NRG4: variants seen among roughly 807,000 people sequenced by gnomAD.
NRG4 encodes pro-neuregulin-4, membrane-bound isoform.
A neutral mutation model predicts 15.0 loss-of-function variants in NRG4; 10 were observed. The observed-to-expected ratio is 0.67, with a 90% CI of 0.41 to 1.13. The LOEUF (loss-of-function observed/expected upper bound fraction) is 1.13, where lower values mean the gene tolerates loss of function less well. Ranked by LOEUF, NRG4 falls within the 50% of genes most tolerant of loss-of-function variation. NRG4 has a pLI of 0.00. For missense variants in NRG4, 139 were observed against 140.2 expected, an observed-to-expected ratio of 0.99 and a Z score of 0.04; for synonymous variants, 41 against 50.1, an observed-to-expected ratio of 0.82 and a Z score of 0.77.
intron 4 of NRG4, among the ~76,000 whole-genome samples, chr15:75,958,172 C>A (rs1026395808): frequency 6.6e-6 from 1 of 151,994 alleles, no homozygotes; most frequent in Non-Finnish European, 1.5e-5. Flanking sequence ...GCCACCATGC[C>A]CGGCTAATTT....
chr15:75,943,550 A>G lies in NRG4; in HGVS notation c.*88T>C. ...AAGCGTTTTATTTAAGAAATAAAGG[A>G]TTAGATTTTTAATTCTTTTACCTAG... On this transcript the variant is annotated 3_prime_UTR_variant, in exon 6 of 6. Transcript: ENST00000394907. The G allele has an allele frequency of 1.2e-6, 1 of 809,832 alleles. No individual in the cohort carries two copies. Among genetic ancestry groups the G allele is most frequent in the Admixed American group, 2.1e-5 (1 of 47,042 alleles). 50.2% of individuals were successfully genotyped at this position (809,832 alleles called of 1,614,324 possible).
At chr15:75,947,913 T>TA (rs1439351606) in intron 5 of NRG4, among the ~76,000 whole-genome samples, 1 of 152,220 alleles carries the variant, frequency 6.6e-6, no homozygotes, top group Non-Finnish European at 1.5e-5. Context: ...TTTGTGATGT[T>TA]GAGTATCTTT....
chr15:75,955,303 C>T (rs1192025157), intron 5 of NRG4, among the ~76,000 whole-genome samples: 1 of 152,144 alleles, frequency 6.6e-6, no homozygotes, highest in African/African-American at 2.4e-5. Flanking sequence ...GGGTCCCCCA[C>T]CTTGCACAAA....
intron 5 of NRG4, among the ~76,000 whole-genome samples, chr15:76,033,724 T>C (rs2035531618): frequency 6.6e-6 from 1 of 152,188 alleles, no homozygotes; most frequent in Non-Finnish European, 1.5e-5. Context: ...TATTGCCTAA[T>C]GGTTCCAAGA....
Position 76,009,279 on chromosome 15 carries a change from A to T in NRG4, c.25T>A (p.Cys9Ser), listed in dbSNP as rs2034720633. The T allele has an allele frequency of 6.3e-7, 1 of 1,583,230 alleles. No individual in the cohort carries two copies. The highest frequency in any genetic ancestry group is 8.6e-7 in the Non-Finnish European group (1 of 1,159,488). Reference protein sequence around the residue: MPTDHEEPCGPSHKSFCLN... With the variant: MPTDHEEPSGPSHKSFCLN... The stretch of plus-strand genomic sequence containing the variant: ...CAAAACGACTTGTGACTGGGACCAC[A>T]GGGCTCTTCGTGATCTAGAACACAT... The change falls in exon 3 of 6, where the codon TGT (cysteine) becomes AGT (serine). Residue 9 changes from cysteine (C) to serine (S), a missense_variant. Coordinates refer to ENST00000394907, the MANE Select transcript of NRG4 (RefSeq NM_138573.4).
intron 3 of NRG4, among the ~76,000 whole-genome samples, chr15:75,971,859 T>C (rs2033110921): frequency 1.3e-5 from 2 of 152,222 alleles, no homozygotes. Context: ...AGTAGAATGA[T>C]TTATAATCCT....
At chr15:76,050,448 T>TG (rs1370680139) in intron 4 of NRG4, among the ~76,000 whole-genome samples, 7 of 142,434 alleles carry the variant, frequency 4.9e-5, no homozygotes, top group Admixed American at 2.1e-4. Flanking sequence ...TTTTTTTTTT[T>TG]TTTTTTTTTT....
At chr15:76,041,265 A>G (rs561119728) in intron 4 of NRG4, among the ~76,000 whole-genome samples, 78 of 152,230 alleles carry the variant, frequency 5.1e-4, no homozygotes, top group African/African-American at 1.8e-3. Context: ...AAGACCATAA[A>G]ACAACCAGAA....
chr15:75,973,980 G>C (rs532476606), intron 3 of NRG4, among the ~76,000 whole-genome samples: 1 of 152,276 alleles, frequency 6.6e-6, no homozygotes, highest in South Asian at 2.1e-4. Context: ...GAATTCGGCT[G>C]TGAATTCATC....
At chr15:76,040,548 C>T (rs566720994) in intron 4 of NRG4, among the ~76,000 whole-genome samples, 1 of 152,284 alleles carries the variant, frequency 6.6e-6, no homozygotes, top group Non-Finnish European at 1.5e-5. Context: ...AAAACAGAGA[C>T]TTTTATAACA....
upstream of NRG4, among the ~76,000 whole-genome samples, chr15:76,016,738 G>A (rs1288915955): frequency 6.6e-6 from 1 of 152,148 alleles, no homozygotes; most frequent in Non-Finnish European, 1.5e-5. Context: ...TTGCTGAGGA[G>A]TATTTTACTT....
At chr15:76,044,439 A>C (rs150745541) in intron 4 of NRG4, among the ~76,000 whole-genome samples, 1 of 151,014 alleles carries the variant, frequency 6.6e-6, no homozygotes, top group East Asian at 1.9e-4. Context: ...CATATACAAA[A>C]ATCCAAATCA....
At chr15:75,997,887 A>C (rs1273729804) in intron 3 of NRG4, among the ~76,000 whole-genome samples, 1 of 152,170 alleles carries the variant, frequency 6.6e-6, no homozygotes, top group Non-Finnish European at 1.5e-5. Flanking sequence ...TCCAGAACCC[A>C]GTCACATAGA....
chr15:76,013,994 T>G (rs2141916567), upstream of NRG4, among the ~76,000 whole-genome samples: 1 of 152,336 alleles, frequency 6.6e-6, no homozygotes, highest in South Asian at 2.1e-4. Context: ...TCACATCCTC[T>G]CCAGCACTGT....
chr15:75,949,809 C>T (rs571001496), intron 5 of NRG4, among the ~76,000 whole-genome samples: 1 of 152,242 alleles, frequency 6.6e-6, no homozygotes, highest in African/African-American at 2.4e-5. Flanking sequence ...TCCAAACTGC[C>T]CCAGTATCAT....
chr15:76,015,752 A>T (rs921407530), upstream of NRG4, among the ~76,000 whole-genome samples: 10 of 152,134 alleles, frequency 6.6e-5, no homozygotes, highest in African/African-American at 2.4e-4. Context: ...GTTTGCCAAT[A>T]TTTTATTGAA....
chr15:76,036,243 C>T (rs1168265868), intron 4 of NRG4, among the ~76,000 whole-genome samples: 1 of 152,224 alleles, frequency 6.6e-6, no homozygotes, highest in Non-Finnish European at 1.5e-5. Context: ...AGCCGGCCTG[C>T]TCCAGGCAAT....
At position 76,051,839 on chromosome 15, in the gene NRG4, A is replaced by G. The variant is rs574334299; in HGVS notation, c.-105+228T>C. 2.4e-3 allele frequency among the ~76,000 whole-genome samples: 353 copies of G among 150,100 alleles called. 11 individuals are homozygous for G. The highest frequency in any genetic ancestry group is 7.3e-3 in the African/African-American group (291 of 40,004). On this transcript the variant is annotated intron_variant, in intron 4 of 8. Coordinates refer to the NRG4 transcript ENST00000563910. The stretch of plus-strand genomic sequence containing the variant: ...GCCCACCTCAGCCTCCCAAAGTGCT[A>G]GGATTACAGGCGTGAGCCACCGTGC...
At position 75,996,052 on chromosome 15, in the gene NRG4, C is replaced by T. The variant is rs375690767; in HGVS notation, c.104+13148G>A. 5.3e-5 allele frequency among the ~76,000 whole-genome samples: 8 copies of T among 152,152 alleles called. No individual in the cohort carries two copies. The East Asian group carries it at 1.5e-3, about 29-fold the overall frequency. ...ATATTCTGATTACAAATTTGGCTTCCCATACATGTCAGTCTACAGAGAAAA... is the reference window on the plus strand; with the variant it reads ...ATATTCTGATTACAAATTTGGCTTCTCATACATGTCAGTCTACAGAGAAAA... On this transcript the variant is annotated intron_variant, in intron 3 of 5. Coordinates refer to ENST00000394907, the MANE Select transcript of NRG4 (RefSeq NM_138573.4).
Sources: gnomAD v4.1 joint callset for allele counts (sites outside exome capture counted in the v4.1 genomes callset) on GRCh38, gnomAD v4.1.1 for gene constraint, MANE v1.5 for transcripts, NCBI Gene and HGNC (gene_info 2026-07-23, HGNC 2026-07-21) for gene names.